The following PDE4D variants were observed in gnomAD, a reference collection of about 807,000 sequenced individuals.
PDE4D encodes 3',5'-cyclic-AMP phosphodiesterase 4D.
Under a neutral mutation model 87.4 loss-of-function variants are expected in PDE4D, and 24 were observed. The ratio of observed to expected loss-of-function variants is 0.27; its 90% confidence interval spans 0.20 to 0.39. The LOEUF (loss-of-function observed/expected upper bound fraction) is 0.39. Among genes scored for constraint, PDE4D ranks in the 10% least tolerant of loss-of-function variants. The pLI, the probability that PDE4D is intolerant of heterozygous loss-of-function variation, is 1.00. For synonymous variants in PDE4D, 384 were observed against 383.2 expected, an observed-to-expected ratio of 1.00 and a Z score of -0.02; for missense variants, 714 against 1,041.0, an observed-to-expected ratio of 0.69 and a Z score of 4.32.
chr5:59,687,594 G>A (rs906403189), intron 1 of PDE4D, among the ~76,000 whole-genome samples: 1 of 152,176 alleles, frequency 6.6e-6, no homozygotes, highest in African/African-American at 2.4e-5. Flanking sequence ...GGAACAACCA[G>A]TACCAACCAC....
rs184104670 is a variant in PDE4D at position 59,322,574 on chromosome 5, A to T, written c.456-106606T>A. Among the ~76,000 whole-genome samples, 261 of 152,260 alleles carry T rather than the reference A, an allele frequency of 1.7e-3. 1 individual carries two copies. The highest frequency in any genetic ancestry group is 5.8e-3 in the African/African-American group (242 of 41,568). On this transcript the variant is annotated intron_variant, in intron 1 of 14. Coordinates refer to ENST00000340635, the MANE Select transcript of PDE4D (RefSeq NM_001104631.2). ...TAGAATCTTTATGGCTTATGGGTCA[A>T]ATCCAATGCTATCTATATTTACATT...
At chr5:60,460,670 G>A in intron 1 of PDE4D, 1 of 1,075,338 alleles carries the variant, frequency 9.3e-7, no homozygotes. Flanking sequence ...GTCTCCTCCG[G>A]TCCCAGAGCA....
In PDE4D at chr5:59,922,510, C is replaced by T. The variant is rs140816705; in HGVS notation, c.272+65978G>A. On this transcript the variant is annotated intron_variant, in intron 3 of 16. Coordinates refer to the PDE4D transcript ENST00000502484. ...CTTTGTCTTGCAATTTGGATACCAGCTTATCCATGGTAGGATAGGGCAAAA... is the reference window on the plus strand; with the variant it reads ...CTTTGTCTTGCAATTTGGATACCAGTTTATCCATGGTAGGATAGGGCAAAA... Among the ~76,000 whole-genome samples, 925 of 152,204 alleles carry T rather than the reference C, an allele frequency of 6.1e-3. 5 individuals are homozygous for T. The highest frequency in any genetic ancestry group is 9.1e-3 in the Non-Finnish European group (619 of 68,016).
chr5:59,026,720 G>A (rs1756321770), intron 6 of PDE4D, among the ~76,000 whole-genome samples: 1 of 151,604 alleles, frequency 6.6e-6, no homozygotes, highest in Non-Finnish European at 1.5e-5. Context: ...GGAAGAAGAT[G>A]GGATTAAAAA....
intron 1 of PDE4D, among the ~76,000 whole-genome samples, chr5:60,347,404 A>G (rs1162619210): frequency 6.6e-6 from 1 of 152,182 alleles, no homozygotes; most frequent in Non-Finnish European, 1.5e-5. Flanking sequence ...TCTAAGAGCA[A>G]TGAAAAGCTG....
chr5:60,271,713 AT>A (rs1370477956), intron 1 of PDE4D, among the ~76,000 whole-genome samples: 7 of 152,222 alleles, frequency 4.6e-5, no homozygotes, highest in Non-Finnish European at 1.5e-5. Flanking sequence ...TCCATGTGTC[AT>A]TTCAAATGAA....
At chr5:60,350,806 C>T (rs1003525412) in intron 1 of PDE4D, among the ~76,000 whole-genome samples, 6 of 152,004 alleles carry the variant, frequency 3.9e-5, no homozygotes, top group Non-Finnish European at 8.8e-5. Flanking sequence ...GGTCTTGATT[C>T]GAGTTTGAGT....
At chr5:60,272,981 A>C (rs905834998) in intron 1 of PDE4D, among the ~76,000 whole-genome samples, 4 of 152,174 alleles carry the variant, frequency 2.6e-5, no homozygotes, top group African/African-American at 9.6e-5. Flanking sequence ...CTTATTTACC[A>C]TGGCAGGTTC....
At position 59,834,333 on chromosome 5, in the gene PDE4D, T is replaced by C. The variant is rs537919214; in HGVS notation, c.455+58835A>G. On this transcript the variant is annotated intron_variant, in intron 1 of 14. Transcript: ENST00000340635. ...AGTGAGGCACTGTAGGAAGGGAACA[T>C]GCTTTGCTACATACTATTAGATAAT... is the stretch of plus-strand genomic sequence containing the variant. Among the ~76,000 whole-genome samples, 4 of 152,204 alleles carry C rather than the reference T, an allele frequency of 2.6e-5. No individual in the cohort carries two copies. In the East Asian group the frequency reaches 7.7e-4, roughly 29 times the overall value.
At chr5:59,473,083 G>GAAAAAAAAAAAA (rs10573988) in intron 1 of PDE4D, among the ~76,000 whole-genome samples, 1 of 92,118 alleles carries the variant, frequency 1.1e-5, no homozygotes, top group African/African-American at 3.7e-5. Flanking sequence ...GCTTTCTCAT[G>GAAAAAAAAAAAA]AAAAAAAAAA....
chr5:58,999,146 T>C lies in PDE4D; in HGVS notation c.922-5681A>G, dbSNP rs60286676. 2.5e-3 allele frequency among the ~76,000 whole-genome samples: 388 copies of C among 152,350 alleles called. 5 individuals carry two copies. The East Asian group carries it at 0.047, about 19-fold the overall frequency. ...AATTTTATAAACTTTATGTGCAACA[T>C]ACTAACTGGAATCCATAAATCAGTA... On this transcript the variant is annotated intron_variant, in intron 6 of 14. Coordinates refer to ENST00000340635, the MANE Select transcript of PDE4D (RefSeq NM_001104631.2).
At chr5:59,968,736 G>T (rs1159860107) in intron 3 of PDE4D, among the ~76,000 whole-genome samples, 3 of 151,998 alleles carry the variant, frequency 2.0e-5, no homozygotes, top group Non-Finnish European at 4.4e-5. Flanking sequence ...TTTGATCTTG[G>T]TTCTTTCTGA....
chr5:59,224,505 G>C (rs977338406), intron 1 of PDE4D, among the ~76,000 whole-genome samples: 1 of 152,132 alleles, frequency 6.6e-6, no homozygotes, highest in African/African-American at 2.4e-5. Flanking sequence ...AATGAAAGAG[G>C]ATAAGCTGGA....
chr5:59,199,965 G>A (rs1384787310), intron 2 of PDE4D, among the ~76,000 whole-genome samples: 1 of 150,104 alleles, frequency 6.7e-6, no homozygotes, highest in Middle Eastern at 3.2e-3. Flanking sequence ...TATACATACA[G>A]GCACATACAT....
chr5:60,415,552 G>C (rs1157213444), intron 1 of PDE4D, among the ~76,000 whole-genome samples: 1 of 152,228 alleles, frequency 6.6e-6, no homozygotes, highest in Non-Finnish European at 1.5e-5. Flanking sequence ...CACTGGGAGC[G>C]GCAGGCCGGC....
At chr5:59,955,674 T>C (rs939198720) in intron 3 of PDE4D, among the ~76,000 whole-genome samples, 1 of 152,196 alleles carries the variant, frequency 6.6e-6, no homozygotes, top group Non-Finnish European at 1.5e-5. Context: ...AAGGATTGCC[T>C]CTTGTAGCAG....
chr5:59,209,269 T>A (rs1424995167), intron 2 of PDE4D, among the ~76,000 whole-genome samples: 1 of 152,082 alleles, frequency 6.6e-6, no homozygotes, highest in Non-Finnish European at 1.5e-5. Flanking sequence ...CACTACAACC[T>A]CAACATCCTG....
At chr5:60,024,258 T>A (rs1158849719) in intron 2 of PDE4D, among the ~76,000 whole-genome samples, 1 of 152,184 alleles carries the variant, frequency 6.6e-6, no homozygotes, top group Non-Finnish European at 1.5e-5. Flanking sequence ...TGCACACACA[T>A]AACCACTGGT....
chr5:59,524,290 C>G (rs1282731173), intron 1 of PDE4D, among the ~76,000 whole-genome samples: 2 of 152,112 alleles, frequency 1.3e-5, no homozygotes, highest in Non-Finnish European at 2.9e-5. Flanking sequence ...ATGGCTTTGA[C>G]CAAAATGCTT....
Sources: gnomAD v4.1 joint callset for allele counts (sites outside exome capture counted in the v4.1 genomes callset) on GRCh38, gnomAD v4.1.1 for gene constraint, MANE v1.5 for transcripts, NCBI Gene and HGNC (gene_info 2026-07-23, HGNC 2026-07-21) for gene names.